VPS52: variants seen among roughly 807,000 people sequenced by gnomAD.
VPS52 encodes vacuolar protein sorting-associated protein 52 homolog.
VPS52 carries 56 observed loss-of-function variants against 98.7 expected under a neutral mutation model. The ratio of observed to expected loss-of-function variants is 0.57; its 90% confidence interval spans 0.46 to 0.71. VPS52 has a LOEUF of 0.71. VPS52 is among the 30% of genes least tolerant of loss of function. VPS52 has a pLI of 0.00. For synonymous variants in VPS52, 348 were observed against 346.4 expected, an observed-to-expected ratio of 1.00 and a Z score of -0.05; for missense variants, 742 against 925.9, an observed-to-expected ratio of 0.80 and a Z score of 2.58.
rs1298164906 is a variant in VPS52 at position 33,266,686 on chromosome 6, G to A, written c.1152C>T (p.Ser384=). Reference sequence around the variant, plus strand: ...AATTGTCTAGGAGGGCGTAGTGCTGGCTGCGGAAGAGGGCCTCAAATGGAT... The same window carrying A: ...AATTGTCTAGGAGGGCGTAGTGCTGACTGCGGAAGAGGGCCTCAAATGGAT... The part of the protein sequence containing the change: ...QRYPFEALFR[S]QHYALLDNSC... The change falls in exon 12 of 20, where the codon AGC becomes AGT. Residue 384 remains serine (S), a synonymous_variant. Coordinates refer to ENST00000445902, the MANE Select transcript of VPS52 (RefSeq NM_022553.6). 1 of 1,611,782 alleles carries A rather than the reference G, an allele frequency of 6.2e-7. No homozygotes were observed. The highest frequency in any genetic ancestry group is 2.2e-5 in the East Asian group (1 of 44,880).
At chr6:33,252,428 A>C (rs1355752251) in intron 17 of VPS52, among the ~76,000 whole-genome samples, 1 of 152,060 alleles carries the variant, frequency 6.6e-6, no homozygotes, top group Middle Eastern at 3.2e-3. Flanking sequence ...ATCTCTACTA[A>C]AAATACAAAA....
chr6:33,264,113 A>G lies in VPS52; in HGVS notation c.1525-10T>C. 6.2e-7 allele frequency: 1 copy of G among 1,613,256 alleles called. No individual in the cohort carries two copies. Among genetic ancestry groups the G allele is most frequent in the Non-Finnish European group, 8.5e-7 (1 of 1,179,656 alleles). ...CATAGCGGCGTGTGATCTAGGAGAG[A>G]GTGGGAAGGAAAATCACACCCACCT... On this transcript the variant is annotated splice_polypyrimidine_tract_variant and intron_variant, in intron 14 of 19. Coordinates refer to ENST00000445902, the MANE Select transcript of VPS52 (RefSeq NM_022553.6).
chr6:33,271,287 G>A (rs868758419), intron 1 of VPS52: 3 of 623,830 alleles, frequency 4.8e-6, no homozygotes, highest in African/African-American at 3.6e-5. Flanking sequence ...GTAAGTGGCA[G>A]AGATAGAACT....
At chr6:33,259,112 C>T (rs891287202) in intron 17 of VPS52, among the ~76,000 whole-genome samples, 18 of 152,104 alleles carry the variant, frequency 1.2e-4, no homozygotes, top group African/African-American at 3.6e-4. Flanking sequence ...GTTGCAATGG[C>T]GGCCCTGACC....
In VPS52 at chr6:33,267,582, A is replaced by T; in HGVS notation, c.991+100T>A. ...CTTTCATCACATTCTAAAAGGTTTC[A>T]GTCCCATAGGAAAAGGTAAGGAGCA... On this transcript the variant is annotated intron_variant, in intron 10 of 19. Transcript: ENST00000445902. The surrounding 1 kb of genome is among the most constrained non-coding windows in gnomAD (Gnocchi z 4.2). 1.4e-6 allele frequency: 2 copies of T among 1,410,094 alleles called. No individual in the cohort carries two copies. Among genetic ancestry groups the T allele is most frequent in the South Asian group, 1.2e-5 (1 of 80,418 alleles). The allele number at this position is 1,410,094 out of a possible 1,614,324, so 87.3% of individuals were successfully genotyped here.
Position 33,250,812 on chromosome 6 carries a change from C to T in VPS52, c.*29G>A, listed in dbSNP as rs41266709. ...GGGTGCAGAAGTCCATGGAGATGAC[C>T]GGCAGATCTCAGGGCGGTTTCTGGC... On this transcript the variant is annotated 3_prime_UTR_variant, in exon 20 of 20. Transcript: ENST00000445902. 0.037 allele frequency: 59,050 copies of T among 1,602,136 alleles called. 1,277 individuals carry two copies. The highest frequency in any genetic ancestry group is 0.063 in the Middle Eastern group (376 of 6,012).
In VPS52 at chr6:33,250,974, T is replaced by TGGGTCAGCG; in HGVS notation, c.2030_2038dup (p.Thr679_Gln680insProLeuThr). On this transcript the variant is annotated inframe_insertion, in exon 20 of 20. Transcript: ENST00000445902. ...GAAGCGATGATAGAGCTGGATCAGC[T>TGGGTCAGCG]GGGTCAGCGCTCCCTGGTCAAAGAA... 1 of 1,613,086 alleles carries TGGGTCAGCG rather than the reference T, an allele frequency of 6.2e-7. No individual in the cohort carries two copies. The highest frequency in any genetic ancestry group is 8.5e-7 in the Non-Finnish European group (1 of 1,180,044).
intron 17 of VPS52, among the ~76,000 whole-genome samples, chr6:33,256,817 G>A (rs1438002549): frequency 6.8e-6 from 1 of 147,642 alleles, no homozygotes; most frequent in Non-Finnish European, 1.5e-5. Context: ...CTCCAGCCTG[G>A]GTGACAAGAG....
chr6:33,252,100 T>G, intron 17 of VPS52, 129 bp from the exon 18 acceptor site: 1 of 719,360 alleles, frequency 1.4e-6, no homozygotes, highest in Non-Finnish European at 2.3e-6. Context: ...AGGAAAATCC[T>G]CTATGGAGAA....
rs762140344 is a variant in VPS52, at chr6:33,268,512, C to T, written c.686G>A (p.Arg229Gln). The T allele has an allele frequency of 1.2e-5, 19 of 1,602,658 alleles. No homozygotes were observed. Among genetic ancestry groups the T allele is most frequent in the East Asian group, 4.5e-5 (2 of 44,714 alleles). The change falls in exon 7 of 20, where the codon CGG becomes CAG. Residue 229 changes from arginine (R) to glutamine (Q), a missense_variant. By Grantham distance (43) the Arg-to-Gln change is conservative. Transcript: ENST00000445902. The surrounding 1 kb of genome is among the most constrained non-coding windows in gnomAD (Gnocchi z 4.0). The stretch of plus-strand genomic sequence containing the variant: ...CCTACTTCCCACCTTGACCCGGAGC[C>T]GATCGAGCACGCCTCTGACATCTGC... The part of the protein sequence containing the change: ...ACADVRGVLD[R>Q]LRVKAVTKIR...
chr6:33,268,606 G>A lies in VPS52; in HGVS notation c.592C>T (p.Gln198Ter). Residue 198 changes from glutamine to a stop codon, truncating the protein, a stop_gained, in exon 7 of 20, where the codon CAG becomes TAG. Transcript: ENST00000445902. LOFTEE classifies it high-confidence loss of function. This position sits in a 1 kb window ranked among gnomAD's most constrained non-coding sequence, Gnocchi z 4.0. The stretch of plus-strand genomic sequence containing the variant: ...GCCTTGGCATCCAGCTCCTGTAGCT[G>A]CTCCAAGAACCTGGGCTCTGTCACT... ...APVTEPRFLEQLQELDAKAAA... is the reference protein window; with the variant it reads ...APVTEPRFLE 1.9e-6 allele frequency: 3 copies of A among 1,610,178 alleles called. No individual in the cohort carries two copies. Among genetic ancestry groups the A allele is most frequent in the Non-Finnish European group, 2.5e-6 (3 of 1,179,912 alleles).
At position 33,251,912 on chromosome 6, in the gene VPS52, C is replaced by A; in HGVS notation, c.1854G>T (p.Glu618Asp). The change falls in exon 18 of 20, where the codon GAG (glutamate) becomes GAT (aspartate). Residue 618 changes from glutamate to aspartate, a missense_variant. By Grantham distance (45) the Glu-to-Asp change is conservative. This residue lies in a region of VPS52 where 590 missense variants were observed against 793.3 expected (regional missense o/e 0.74). Transcript: ENST00000445902. The part of the protein sequence containing the change: ...PFGGLVAFVK[E>D]AEALIERGQA... ...GTCCACGCTCAATCAAAGCCTCAGC[C>A]TCCTTCACAAATGCCACTAAACCCC... The A allele has an allele frequency of 6.2e-7, 1 of 1,613,258 alleles. No individual in the cohort carries two copies. The highest frequency in any genetic ancestry group is 8.5e-7 in the Non-Finnish European group (1 of 1,180,048).
At chr6:33,269,459 C>A (rs1764730102) in intron 5 of VPS52, 31 bp downstream of exon 5, 2 of 1,612,692 alleles carry the variant, frequency 1.2e-6, no homozygotes, top group Non-Finnish European at 1.7e-6. Flanking sequence ...TTCAGAGTAG[C>A]TATTAGGGGT....
At chr6:33,260,066 G>C (rs541837642) in intron 17 of VPS52, among the ~76,000 whole-genome samples, 1 of 152,258 alleles carries the variant, frequency 6.6e-6, no homozygotes, top group South Asian at 2.1e-4. Flanking sequence ...TCCATTTATA[G>C]AATATGTTTA....
intron 17 of VPS52, among the ~76,000 whole-genome samples, chr6:33,260,043 A>T (rs1329262918): frequency 6.6e-6 from 1 of 152,250 alleles, no homozygotes; most frequent in Admixed American, 6.5e-5. Flanking sequence ...CAGAAGCAAG[A>T]AACTGGAAAC....
At chr6:33,256,478 A>G (rs1242896088) in intron 17 of VPS52, among the ~76,000 whole-genome samples, 2 of 41,410 alleles carry the variant, frequency 4.8e-5, no homozygotes, top group African/African-American at 7.4e-5. Context: ...AAAAAAAAAA[A>G]AAAAAAAAAA....
At chr6:33,262,467 C>T (rs2150827725) in intron 17 of VPS52, among the ~76,000 whole-genome samples, 1 of 152,194 alleles carries the variant, frequency 6.6e-6, no homozygotes, top group East Asian at 1.9e-4. Flanking sequence ...TTGAAGGTTG[C>T]TCAAAAAACT....
In VPS52 at chr6:33,250,703, T is replaced by C; in HGVS notation, c.*138A>G. On this transcript the variant is annotated 3_prime_UTR_variant, in exon 20 of 20. Transcript: ENST00000445902. The stretch of plus-strand genomic sequence containing the variant: ...ATCCTGTTGGGCAAGGTGCTGGGAG[T>C]GAAGGCAGGTAAGCCATGTCAAGGG... 1.7e-6 allele frequency: 2 copies of C among 1,150,048 alleles called. No homozygotes were observed. Among genetic ancestry groups the C allele is most frequent in the Non-Finnish European group, 2.5e-6 (2 of 814,758 alleles). The allele number at this position is 1,150,048 out of a possible 1,614,324, so 71.2% of individuals were successfully genotyped here. A position where few individuals can be genotyped will look rare whatever the true frequency, so the allele number is the denominator to read the frequency against.
chr6:33,260,089 A>G (rs1763452848), intron 17 of VPS52, among the ~76,000 whole-genome samples: 1 of 152,264 alleles, frequency 6.6e-6, no homozygotes, highest in Admixed American at 6.5e-5. Flanking sequence ...CACACAAGTC[A>G]TATATGGCAG....
Sources: allele counts gnomAD v4.1 joint callset (sites outside exome capture counted in the v4.1 genomes callset), GRCh38; gene constraint gnomAD v4.1.1; regional missense constraint gnomAD v4.1.1; non-coding constraint Gnocchi (gnomAD v3.1); transcripts MANE v1.5; gene names NCBI Gene and HGNC (gene_info 2026-07-23, HGNC 2026-07-21).